SGO2: variants seen among roughly 807,000 people sequenced by gnomAD.
SGO2 encodes shugoshin 2.
SGO2 carries 68 observed loss-of-function variants against 99.5 expected under a neutral mutation model. That is an observed-to-expected ratio of 0.68 (90% CI 0.56 to 0.84). The LOEUF (loss-of-function observed/expected upper bound fraction) is 0.84. Ranked by LOEUF, SGO2 falls within the 40% of genes least tolerant of loss-of-function variation. SGO2 has a pLI of 0.00. For missense variants in SGO2, 1,350 were observed against 1,436.7 expected (o/e 0.94, Z 0.97); for synonymous variants, 457 against 487.1 (o/e 0.94, Z 0.81).
At chr2:200,549,727 A>C (rs1034591831) in intron 5 of SGO2, among the ~76,000 whole-genome samples, 165 of 152,334 alleles carry the variant, frequency 1.1e-3, no homozygotes, top group Admixed American at 2.6e-3. Flanking sequence ...AACACTTATC[A>C]AAATGGGTAT....
chr2:200,565,969 C>T (rs2033170616), intron 5 of SGO2, among the ~76,000 whole-genome samples: 1 of 152,144 alleles, frequency 6.6e-6, no homozygotes, highest in Non-Finnish European at 1.5e-5. Flanking sequence ...TTTGTCTAAT[C>T]TGTTTTCAAG....
intron 8 of SGO2, among the ~76,000 whole-genome samples, chr2:200,581,828 C>A (rs985616592): frequency 1.3e-5 from 2 of 152,118 alleles, no homozygotes; most frequent in Admixed American, 1.3e-4. Context: ...TAAAATAGAA[C>A]CTTATTTCCT....
intron 5 of SGO2, among the ~76,000 whole-genome samples, chr2:200,563,595 C>G (rs950841454): frequency 6.6e-6 from 1 of 152,176 alleles, no homozygotes; most frequent in Admixed American, 6.5e-5. Flanking sequence ...GGAGGATTCC[C>G]TCTTTTTCTA....
intron 5 of SGO2, among the ~76,000 whole-genome samples, chr2:200,550,957 C>T (rs186514958): frequency 6.6e-6 from 1 of 150,862 alleles, no homozygotes; most frequent in East Asian, 1.9e-4. Context: ...GGATTAATAA[C>T]CAGCATATAT....
chr2:200,545,055 G>A (rs1025249629), intron 5 of SGO2, among the ~76,000 whole-genome samples: 6 of 152,136 alleles, frequency 3.9e-5, no homozygotes, highest in African/African-American at 1.2e-4. Context: ...CACCCAGCCT[G>A]GAGTGTAGTG....
Position 200,533,056 on chromosome 2 carries a change from G to T in SGO2, c.81G>T (p.Lys27Asn). ...KRHLKDKRIS[K>N]TTKLNVSLAS... is the part of the protein sequence containing the mutation. Reference sequence around the variant, plus strand: ...ATTTGAAAGACAAAAGAATTTCAAAGACTACTAAGTTGAATGTTTCTCTTG... The same window carrying T: ...ATTTGAAAGACAAAAGAATTTCAAATACTACTAAGTTGAATGTTTCTCTTG... The change falls in exon 2 of 9, where the codon AAG becomes AAT. Residue 27 changes from lysine (K) to asparagine (N), a missense_variant. Lys to Asn is a moderately conservative substitution (Grantham distance 94, BLOSUM62 0). Coordinates refer to ENST00000357799, the MANE Select transcript of SGO2 (RefSeq NM_152524.6). 1 of 1,603,408 alleles carries T rather than the reference G, an allele frequency of 6.2e-7. No homozygotes were observed. The highest frequency in any genetic ancestry group is 8.5e-7 in the Non-Finnish European group (1 of 1,176,984).
chr2:200,543,904 G>C (rs929145838), intron 5 of SGO2, among the ~76,000 whole-genome samples: 2 of 152,138 alleles, frequency 1.3e-5, no homozygotes, highest in African/African-American at 4.8e-5. Flanking sequence ...AAACATGGTG[G>C]ATTTTCACCA....
intron 4 of SGO2, among the ~76,000 whole-genome samples, chr2:200,538,202 T>C (rs1252612871): frequency 6.6e-6 from 1 of 152,176 alleles, no homozygotes; most frequent in Admixed American, 6.6e-5. Flanking sequence ...CTTGATGTGA[T>C]CTGAAAACTG....
chr2:200,545,133 A>C (rs957387521), intron 5 of SGO2, among the ~76,000 whole-genome samples: 11 of 152,236 alleles, frequency 7.2e-5, no homozygotes, highest in Admixed American at 5.2e-4. Context: ...CAGTCCCCCA[A>C]GTAGCTGGGA....
Position 200,572,404 on chromosome 2 carries a change from G to T in SGO2, c.2058G>T (p.Gln686His), listed in dbSNP as rs377199832. The stretch of plus-strand genomic sequence containing the variant: ...AAAATCAATGTGACTATAGGACCCA[G>T]AATGTGTTGGGTTTGCAAAAGCAGA... ...DNENQCDYRT[Q>H]NVLGLQKQIT... Residue 686 changes from glutamine to histidine, a missense_variant, in exon 7 of 9, where the codon CAG becomes CAT. By Grantham distance (24) the Gln-to-His change is conservative (BLOSUM62 0). Coordinates refer to ENST00000357799, the MANE Select transcript of SGO2 (RefSeq NM_152524.6). 1.2e-6 allele frequency: 2 copies of T among 1,613,364 alleles called. No homozygotes were observed. The highest frequency in any genetic ancestry group is 2.7e-5 in the African/African-American group (2 of 74,876).
chr2:200,568,963 A>G (rs547477123), intron 5 of SGO2, among the ~76,000 whole-genome samples: 2 of 152,148 alleles, frequency 1.3e-5, no homozygotes, highest in South Asian at 2.1e-4. Flanking sequence ...CCCAACAGCT[A>G]TTCTACTGGT....
chr2:200,565,286 G>C (rs1490195616), intron 5 of SGO2, among the ~76,000 whole-genome samples: 1 of 152,144 alleles, frequency 6.6e-6, no homozygotes, highest in East Asian at 1.9e-4. Flanking sequence ...GTATTTGCTT[G>C]TCTGTAAAGG....
chr2:200,578,482 C>T (rs1322588300), intron 8 of SGO2, among the ~76,000 whole-genome samples: 2 of 152,208 alleles, frequency 1.3e-5, no homozygotes, highest in Non-Finnish European at 2.9e-5. Flanking sequence ...GGCTGGTTCT[C>T]ATCTGGAGGC....
At chr2:200,582,456 G>T (rs778397494) in intron 8 of SGO2, among the ~76,000 whole-genome samples, 1 of 152,038 alleles carries the variant, frequency 6.6e-6, no homozygotes, top group Non-Finnish European at 1.5e-5. Context: ...CTCCCCACTA[G>T]CTTGCTCAGC....
chr2:200,556,045 A>G (rs753119819), intron 5 of SGO2, among the ~76,000 whole-genome samples: 1 of 150,942 alleles, frequency 6.6e-6, no homozygotes, highest in African/African-American at 2.4e-5. Flanking sequence ...GCTCACTACA[A>G]CCTCCACCTC....
rs780256618 is a variant in SGO2 at position 200,535,221 on chromosome 2, AG to A, written c.309+51del. ...ATTCTAATTATAACTTAAATCTTTT[AG>A]CTGCATTATTATAGAAGCTTTAAAA... On this transcript the variant is annotated intron_variant, in intron 3 of 8. Transcript: ENST00000357799. The A allele has an allele frequency of 5.1e-6, 7 of 1,374,140 alleles. No homozygotes were observed. In the African/African-American group the frequency reaches 1.1e-4, roughly 21 times the overall value. 85.1% of individuals were successfully genotyped at this position (1,374,140 alleles called of 1,614,324 possible). A position where few individuals can be genotyped will look rare whatever the true frequency, so the allele number is the denominator to read the frequency against.
rs2033531595 is a variant in SGO2, at chr2:200,573,425, A to G, written c.3079A>G (p.Thr1027Ala). The G allele has an allele frequency of 1.9e-6, 3 of 1,608,182 alleles. No individual in the cohort carries two copies. Among genetic ancestry groups the G allele is most frequent in the East Asian group, 4.5e-5 (2 of 44,816 alleles). ...CTTAGAATCTGATTTAAAACATATT[A>G]CTAGTGAAGCAGATTCTGATCCAGG... ...ISLESDLKHITSEADSDPGNP... is the reference protein window; with the variant it reads ...ISLESDLKHIASEADSDPGNP... The change falls in exon 7 of 9, where the codon ACT (threonine) becomes GCT (alanine). Residue 1027 changes from threonine (T) to alanine (A), a missense_variant. Coordinates refer to ENST00000357799, the MANE Select transcript of SGO2 (RefSeq NM_152524.6).
intron 5 of SGO2, among the ~76,000 whole-genome samples, chr2:200,556,527 A>G (rs896516015): frequency 6.6e-6 from 1 of 152,206 alleles, no homozygotes; most frequent in Non-Finnish European, 1.5e-5. Flanking sequence ...AGCTCAGAGA[A>G]AGGAAGATTC....
intron 4 of SGO2, among the ~76,000 whole-genome samples, chr2:200,537,105 T>C (rs1175322595): frequency 6.6e-6 from 1 of 152,112 alleles, no homozygotes; most frequent in South Asian, 2.1e-4. Flanking sequence ...CATTCTCTTT[T>C]GGTGCTGCTT....
Sources: gnomAD v4.1 joint callset for allele counts (sites outside exome capture counted in the v4.1 genomes callset) on GRCh38, gnomAD v4.1.1 for gene constraint, MANE v1.5 for transcripts, NCBI Gene and HGNC (gene_info 2026-07-23, HGNC 2026-07-21) for gene names.